Variants in SPATA13 observed in about 807,000 individuals in gnomAD.
The protein encoded by SPATA13 is spermatogenesis associated 13.
Under a neutral mutation model 104.0 loss-of-function variants are expected in SPATA13, and 50 were observed. The ratio of observed to expected loss-of-function variants is 0.48; its 90% CI spans 0.38 to 0.61. The LOEUF is 0.61. SPATA13 is among the 20% of genes least tolerant of loss of function. The pLI is 0.00. For synonymous variants in SPATA13, 606 were observed against 667.5 expected (o/e 0.91, Z 1.42); for missense variants, 1,524 against 1,690.6 (o/e 0.90, Z 1.73).
rs976853546 is a variant in SPATA13 at position 24,168,543 on chromosome 13, G to A, written c.-112+7611G>A. On this transcript the variant is annotated intron_variant, in intron 1 of 12. Transcript: ENST00000382108. ...CTGAATCACTAAGCAAAACTCTACC[G>A]CTGGGGAAACTTTTGTATCGCAGCA... Among the ~76,000 whole-genome samples, 3 of 151,814 alleles carry A rather than the reference G, an allele frequency of 2.0e-5. No homozygotes were observed. In the East Asian group the frequency reaches 5.8e-4, roughly 29 times the overall value.
At chr13:24,170,892 A>C (rs1882941163) in intron 1 of SPATA13, among the ~76,000 whole-genome samples, 1 of 152,002 alleles carries the variant, frequency 6.6e-6, no homozygotes, top group African/African-American at 2.4e-5. Context: ...TTGGGAACAG[A>C]AGAGTGTTCT....
intron 1 of SPATA13, among the ~76,000 whole-genome samples, chr13:24,218,159 G>A (rs1187437630): frequency 2.6e-5 from 4 of 152,226 alleles, no homozygotes; most frequent in African/African-American, 9.6e-5. Context: ...ACACCCATCT[G>A]CAGTGTGGAA....
At chr13:24,172,411 C>G (rs765427186) in intron 1 of SPATA13, among the ~76,000 whole-genome samples, 28 of 152,108 alleles carry the variant, frequency 1.8e-4, no homozygotes, top group Non-Finnish European at 3.8e-4. Context: ...CTTTTGGTAC[C>G]AAGTCTAAGA....
chr13:24,239,613 T>C (rs1593451130), intron 2 of SPATA13, among the ~76,000 whole-genome samples: 1 of 142,084 alleles, frequency 7.0e-6, no homozygotes, highest in Admixed American at 7.7e-5. Flanking sequence ...GAGAATCACC[T>C]GAGCCTAGGA....
rs369929597 is a variant in SPATA13, at chr13:24,123,964, T to C, written c.-111-98855T>C. On this transcript the variant is annotated intron_variant, in intron 3 of 14. Transcript: ENST00000424834. ...AGATAACCTGGGCAGACTCTGGCCA[T>C]GGGAAAGGAAGGCTCAGGGGCCCTG... 1.8e-4 allele frequency: 93 copies of C among 513,788 alleles called. 1 individual carries two copies. Among genetic ancestry groups the C allele is most frequent in the East Asian group, 1.6e-3 (48 of 29,522 alleles). 31.8% of individuals were successfully genotyped at this position (513,788 alleles called of 1,614,324 possible).
rs1269434375 is a variant in SPATA13 at position 24,161,133 on chromosome 13, G to A, written c.-112+201G>A. 2.0e-5 allele frequency among the ~76,000 whole-genome samples: 3 copies of A among 152,208 alleles called. No homozygotes were observed. The highest frequency in any genetic ancestry group is 2.9e-5 in the Non-Finnish European group (2 of 68,034). ...AGGTCCGTGCGCCCGCTCCCTGCCCGGCGGTGGCTCTGCGCCCTCTGGGCC... is the reference window on the plus strand; with the variant it reads ...AGGTCCGTGCGCCCGCTCCCTGCCCAGCGGTGGCTCTGCGCCCTCTGGGCC... On this transcript the variant is annotated intron_variant, in intron 1 of 12. Coordinates refer to ENST00000382108, the MANE Select transcript of SPATA13 (RefSeq NM_001166271.3). The surrounding 1 kb of genome is among the most constrained non-coding windows in gnomAD (Gnocchi z 4.5).
intron 4 of SPATA13, among the ~76,000 whole-genome samples, chr13:24,283,897 T>C (rs1444804473): frequency 2.0e-5 from 3 of 152,254 alleles, no homozygotes; most frequent in Non-Finnish European, 4.4e-5. Context: ...TGGTCTTCAC[T>C]CTGCAAATGG....
At chr13:24,157,654 T>C (rs758358397), upstream of SPATA13, among the ~76,000 whole-genome samples, 5 of 152,124 alleles carry the variant, frequency 3.3e-5, no homozygotes, top group Admixed American at 6.6e-5. Context: ...GGTTACTTTA[T>C]AGGAGCTCCT....
intron 9 of SPATA13, among the ~76,000 whole-genome samples, chr13:24,293,273 A>G (rs1373703613): frequency 6.6e-6 from 1 of 151,740 alleles, no homozygotes; most frequent in East Asian, 1.9e-4. Context: ...AAAATTGAAG[A>G]AAAAAAATTA....
chr13:24,123,581 C>T (rs1881113258), intron 3 of SPATA13: 1 of 1,608,208 alleles, frequency 6.2e-7, no homozygotes, highest in African/African-American at 1.3e-5. Flanking sequence ...TTTGCAGTAC[C>T]TCTTTCCTCT....
At chr13:24,086,260 G>T (rs1397549612) in intron 3 of SPATA13, among the ~76,000 whole-genome samples, 1 of 152,176 alleles carries the variant, frequency 6.6e-6, no homozygotes, top group Non-Finnish European at 1.5e-5. Context: ...CATTCATATT[G>T]CATGGTACAT....
intron 3 of SPATA13, among the ~76,000 whole-genome samples, chr13:24,024,933 C>CATATATATATAA (rs72310549): frequency 6.8e-6 from 1 of 147,242 alleles, no homozygotes; most frequent in East Asian, 2.0e-4. Flanking sequence ...CATTCAAATT[C>CATATATATATAA]ATATATATAT....
intron 3 of SPATA13, among the ~76,000 whole-genome samples, chr13:24,116,596 C>G (rs775968310): frequency 2.0e-5 from 3 of 152,158 alleles, no homozygotes; most frequent in Non-Finnish European, 4.4e-5. Flanking sequence ...ATTTTACCCT[C>G]ATTTTACAGA....
chr13:24,241,245 T>A (rs531756594), intron 2 of SPATA13, among the ~76,000 whole-genome samples: 1 of 152,368 alleles, frequency 6.6e-6, no homozygotes, highest in Non-Finnish European at 1.5e-5. Flanking sequence ...CAGTAAATGA[T>A]GTTTCTACTT....
intron 3 of SPATA13, among the ~76,000 whole-genome samples, chr13:24,124,547 G>A (rs1366856933): frequency 6.6e-6 from 1 of 152,204 alleles, no homozygotes; most frequent in Non-Finnish European, 1.5e-5. Context: ...AGATTCTGGT[G>A]AGAATGGCAG....
intron 1 of SPATA13, among the ~76,000 whole-genome samples, chr13:24,185,037 G>A (rs1054261237): frequency 1.3e-5 from 2 of 152,138 alleles, no homozygotes; most frequent in African/African-American, 4.8e-5. Context: ...CACGTGTATC[G>A]AGCATTGTGT....
At chr13:24,000,938 T>G (rs1427027875) in intron 2 of SPATA13, among the ~76,000 whole-genome samples, 3 of 152,176 alleles carry the variant, frequency 2.0e-5, no homozygotes, top group Non-Finnish European at 4.4e-5. Context: ...AATTTGGGAC[T>G]GGACAGTGTT....
At chr13:24,106,507 G>C (rs928494934) in intron 3 of SPATA13, among the ~76,000 whole-genome samples, 1 of 152,176 alleles carries the variant, frequency 6.6e-6, no homozygotes, top group Non-Finnish European at 1.5e-5. Flanking sequence ...CCTCACTTCA[G>C]TTGAGCAGTT....
chr13:24,019,290 G>A (rs1009343805), intron 3 of SPATA13, among the ~76,000 whole-genome samples: 3 of 151,620 alleles, frequency 2.0e-5, no homozygotes, highest in East Asian at 1.9e-4. Context: ...GGGTTTCACC[G>A]TTTTAGCCGG....
Sources: allele counts gnomAD v4.1 joint callset (sites outside exome capture counted in the v4.1 genomes callset), GRCh38; gene constraint gnomAD v4.1.1; non-coding constraint Gnocchi (gnomAD v3.1); transcripts MANE v1.5; gene names NCBI Gene and HGNC (gene_info 2026-07-23, HGNC 2026-07-21).